The following ST7L variants were observed in gnomAD, a reference collection of about 807,000 sequenced individuals.
The protein encoded by ST7L is suppressor of tumorigenicity 7 protein-like.
A neutral mutation model predicts 72.5 loss-of-function variants in ST7L; 57 were observed. That is an observed-to-expected ratio of 0.79 (90% CI 0.64 to 0.98). The LOEUF is 0.98. ST7L is among the 50% of genes least tolerant of loss of function. The pLI is 0.00. For missense variants in ST7L, 576 were observed against 672.2 expected, an observed-to-expected ratio of 0.86 and a Z score of 1.58; for synonymous variants, 221 against 240.9, an observed-to-expected ratio of 0.92 and a Z score of 0.77.
intron 5 of ST7L, among the ~76,000 whole-genome samples, chr1:112,594,465 T>A (rs771849932): frequency 1.3e-5 from 2 of 152,190 alleles, no homozygotes; most frequent in Non-Finnish European, 2.9e-5. Flanking sequence ...ATGATAACAA[T>A]TTTTAACAGT....
rs765078607 is a variant in ST7L, at chr1:112,589,258, TTTTA to T, written c.701+2263_701+2266del. Among the ~76,000 whole-genome samples the T allele has an allele frequency of 6.7e-4, 102 of 151,890 alleles. 1 individual carries two copies. Among genetic ancestry groups the T allele is most frequent in the South Asian group, 1.7e-3 (8 of 4,826 alleles). On this transcript the variant is annotated intron_variant, in intron 6 of 14. Coordinates refer to ENST00000358039, the MANE Select transcript of ST7L (RefSeq NM_017744.5). ...GGCAGTTTCTATTAATTTCTTTTCT[TTTTA>T]TTTATTTTTTGAGACAGGGTCTCTT... is the stretch of plus-strand genomic sequence containing the variant.
At chr1:112,598,136 A>G (rs764344763) in intron 4 of ST7L, 50 bp from the exon 5 acceptor site, 4 of 1,359,930 alleles carry the variant, frequency 2.9e-6, no homozygotes, top group African/African-American at 1.4e-5. Flanking sequence ...GAGAGCATCT[A>G]TCTGCTATAA....
intron 13 of ST7L, among the ~76,000 whole-genome samples, chr1:112,546,451 T>C (rs753359386): frequency 1.4e-4 from 22 of 151,800 alleles, no homozygotes; most frequent in Admixed American, 2.6e-4. Flanking sequence ...TGGTTGTCTA[T>C]GAAGGGAAAG....
At position 112,599,609 on chromosome 1, in the gene ST7L, CA is replaced by C. The variant is rs373609765; in HGVS notation, c.506+1184del. Among the ~76,000 whole-genome samples the C allele has an allele frequency of 1.2e-4, 18 of 152,256 alleles. No homozygotes were observed. The East Asian group carries it at 2.9e-3, about 25-fold the overall frequency. On this transcript the variant is annotated intron_variant, in intron 4 of 14. Transcript: ENST00000358039. The stretch of plus-strand genomic sequence containing the variant: ...AAAATAGGAAGCGGCAATATGAAGT[CA>C]ATATATAGTCCCTCTACTGTTGCAC...
At chr1:112,594,792 CAATT>C (rs1345293763) in intron 5 of ST7L, among the ~76,000 whole-genome samples, 1 of 152,108 alleles carries the variant, frequency 6.6e-6, no homozygotes, top group Non-Finnish European at 1.5e-5. Flanking sequence ...CTCACCCAGT[CAATT>C]AGATTATATA....
upstream of ST7L, chr1:112,619,310 A>G: frequency 1.6e-6 from 1 of 612,388 alleles, no homozygotes; most frequent in South Asian, 2.0e-5. Flanking sequence ...GGGGCAGGGA[A>G]GGGGCGGACA....
chr1:112,550,514 C>T, intron 13 of ST7L, 87 bp downstream of exon 13: 1 of 998,660 alleles, frequency 1.0e-6, no homozygotes. Context: ...GAATTTAAAC[C>T]AAAGGCATTT....
intron 14 of ST7L, among the ~76,000 whole-genome samples, chr1:112,532,405 T>C (rs1413846299): frequency 6.6e-6 from 1 of 152,192 alleles, no homozygotes; most frequent in Non-Finnish European, 1.5e-5. Context: ...AGTAAAAGCA[T>C]GAGCTCTGGC....
intron 14 of ST7L, among the ~76,000 whole-genome samples, chr1:112,530,886 G>C (rs1236655021): frequency 6.6e-6 from 1 of 152,184 alleles, no homozygotes; most frequent in Non-Finnish European, 1.5e-5. Flanking sequence ...AAAAAATGCA[G>C]AATTGATCAG....
chr1:112,523,270 G>A (rs1652979764), downstream of ST7L: 1 of 152,184 alleles, frequency 6.6e-6, no homozygotes, highest in Non-Finnish European at 1.5e-5. Flanking sequence ...TCATAAAGAT[G>A]CAAGTTTTGC....
At chr1:112,542,537 G>A (rs184390319) in intron 13 of ST7L, among the ~76,000 whole-genome samples, 62 of 152,126 alleles carry the variant, frequency 4.1e-4, no homozygotes, top group Non-Finnish European at 6.5e-4. Context: ...GAGGAGGATC[G>A]CTTAAAGCCA....
chr1:112,605,029 G>C (rs922710083), intron 3 of ST7L, among the ~76,000 whole-genome samples: 4 of 147,314 alleles, frequency 2.7e-5, no homozygotes, highest in African/African-American at 7.6e-5. Flanking sequence ...AGAGGTTGCA[G>C]TGAGCAGAGA....
rs1473653947 is a variant in ST7L, at chr1:112,523,832, C to T, written c.*2181G>A. On this transcript the variant is annotated 3_prime_UTR_variant, in exon 15 of 15. Transcript: ENST00000358039. ...AAGGCACATGACTGAAGTACCTCAG[C>T]TGCGCAGCCTGTAGCCAGTTTTTTT... The T allele has an allele frequency of 6.6e-6, 1 of 152,128 alleles. No homozygotes were observed. The highest frequency in any genetic ancestry group is 6.6e-5 in the Admixed American group (1 of 15,266). 9.4% of individuals were successfully genotyped at this position (152,128 alleles called of 1,614,324 possible). A position where few individuals can be genotyped will look rare whatever the true frequency, so the allele number is the denominator to read the frequency against.
intron 11 of ST7L, among the ~76,000 whole-genome samples, chr1:112,575,183 G>A (rs1482226772): frequency 6.6e-6 from 1 of 152,208 alleles, no homozygotes; most frequent in Non-Finnish European, 1.5e-5. Context: ...AGGTTGCAGT[G>A]AGCCAAGATT....
chr1:112,590,571 A>G (rs1238872982), intron 6 of ST7L, among the ~76,000 whole-genome samples: 2 of 152,194 alleles, frequency 1.3e-5, no homozygotes, highest in Non-Finnish European at 2.9e-5. Flanking sequence ...CTCTAAATTT[A>G]CATTATTCAG....
At chr1:112,615,800 C>T (rs1364339663) in intron 2 of ST7L, among the ~76,000 whole-genome samples, 1 of 152,028 alleles carries the variant, frequency 6.6e-6, no homozygotes, top group Non-Finnish European at 1.5e-5. Flanking sequence ...AGTGCAGTGG[C>T]AAGATCTTGG....
chr1:112,518,328 A>G, the ST7L span: 2 of 152,158 alleles, frequency 1.3e-5, no homozygotes, highest in Admixed American at 6.5e-5. Flanking sequence ...GCTCTTTTCT[A>G]CAGGCTCAGC....
intron 4 of ST7L, among the ~76,000 whole-genome samples, chr1:112,599,753 A>G (rs1203766063): frequency 6.6e-6 from 1 of 152,238 alleles, no homozygotes; most frequent in Admixed American, 6.5e-5. Context: ...TCTTTGAAAA[A>G]GGCTTTTTAT....
At chr1:112,521,717 T>C (rs944726613), downstream of ST7L, 2 of 152,220 alleles carry the variant, frequency 1.3e-5, no homozygotes, top group African/African-American at 4.8e-5. Context: ...TAATGGGTAA[T>C]GCTATTACCC....
Sources: allele counts gnomAD v4.1 joint callset (sites outside exome capture counted in the v4.1 genomes callset), GRCh38; gene constraint gnomAD v4.1.1; transcripts MANE v1.5; gene names NCBI Gene and HGNC (gene_info 2026-07-23, HGNC 2026-07-21).